The following NCAM2 variants were observed in gnomAD, a reference collection of about 807,000 sequenced individuals.
The protein encoded by NCAM2 is neural cell adhesion molecule 2, also known as N-CAM-2.
A neutral mutation model predicts 98.1 loss-of-function variants in NCAM2; 30 were observed. The observed-to-expected ratio is 0.31, with a 90% CI of 0.23 to 0.41. The LOEUF is 0.41. NCAM2 is among the 10% of genes least tolerant of loss of function. NCAM2 has a pLI of 1.00. For missense variants in NCAM2, 867 were observed against 1,005.8 expected, an observed-to-expected ratio of 0.86 and a Z score of 1.87; for synonymous variants, 368 against 342.4, an observed-to-expected ratio of 1.07 and a Z score of -0.83.
At chr21:21,473,819 ACTTTCCTGAATGCTGATAGT>A (rs1984796015) in intron 14 of NCAM2, among the ~76,000 whole-genome samples, 1 of 151,198 alleles carries the variant, frequency 6.6e-6, no homozygotes, top group South Asian at 2.1e-4. Flanking sequence ...GATAGCCAAT[ACTTTCCTGAATGCTGATAGT>A]ATGACTTCAG....
intron 6 of NCAM2, among the ~76,000 whole-genome samples, chr21:21,330,538 TTA>T (rs149239437): frequency 0.03 from 4,631 of 152,178 alleles, 145 homozygotes; most frequent in Admixed American, 0.067. Flanking sequence ...GAGTCTTAAA[TTA>T]AAGTATGTGT....
At chr21:21,310,635 AT>A (rs2032374128) in intron 5 of NCAM2, among the ~76,000 whole-genome samples, 4 of 152,136 alleles carry the variant, frequency 2.6e-5, no homozygotes, top group African/African-American at 7.2e-5. Flanking sequence ...CACAATGACA[AT>A]TTTTTAACTA....
At chr21:21,060,454 A>G (rs772081146) in intron 1 of NCAM2, among the ~76,000 whole-genome samples, 45 of 152,164 alleles carry the variant, frequency 3.0e-4, no homozygotes, top group Non-Finnish European at 5.0e-4. Flanking sequence ...GTCTGTGGAT[A>G]TATGTTTAAT....
chr21:21,107,472 T>C (rs1601388403), intron 1 of NCAM2, among the ~76,000 whole-genome samples: 1 of 152,260 alleles, frequency 6.6e-6, no homozygotes, highest in Non-Finnish European at 1.5e-5. Context: ...GTCAGTTTTT[T>C]CTGAAAAGTG....
rs555008542 is a variant in NCAM2 at position 21,093,800 on chromosome 21, C to T, written c.55+95182C>T. On this transcript the variant is annotated intron_variant, in intron 1 of 17. Transcript: ENST00000400546. ...CCCAGCAGCATCTTTCTCTTTGTTA[C>T]TGACATTGGAGTCTAGGCTCTAAAT... Among the ~76,000 whole-genome samples, 219 of 152,158 alleles carry T rather than the reference C, an allele frequency of 1.4e-3. 1 individual carries two copies. The highest frequency in any genetic ancestry group is 5.2e-3 in the African/African-American group (216 of 41,556).
intron 1 of NCAM2, among the ~76,000 whole-genome samples, chr21:21,076,099 AGAGT>A (rs1408156025): frequency 6.7e-6 from 1 of 149,358 alleles, no homozygotes; most frequent in Non-Finnish European, 1.5e-5. Flanking sequence ...CCTGAGCGAC[AGAGT>A]GAGACCCCAT....
intron 1 of NCAM2, among the ~76,000 whole-genome samples, chr21:21,118,657 C>A (rs1012723609): frequency 1.3e-5 from 2 of 152,088 alleles, no homozygotes; most frequent in African/African-American, 4.8e-5. Context: ...CCCCTTACTT[C>A]CTTCTAATTT....
chr21:21,489,380 CTCTATT>C (rs1159753964), intron 15 of NCAM2, among the ~76,000 whole-genome samples: 2 of 151,800 alleles, frequency 1.3e-5, no homozygotes, highest in African/African-American at 4.8e-5. Context: ...CTCCCTTTTT[CTCTATT>C]TCTGTCTCTT....
chr21:21,174,624 A>G (rs2068224661), intron 1 of NCAM2, among the ~76,000 whole-genome samples: 1 of 152,158 alleles, frequency 6.6e-6, no homozygotes, highest in African/African-American at 2.4e-5. Context: ...ATAACAGGAA[A>G]TATTTGCTGA....
At chr21:21,450,793 T>TGTATGTATGTATACACACACAC (rs751489970) in intron 12 of NCAM2, among the ~76,000 whole-genome samples, 1 of 143,428 alleles carries the variant, frequency 7.0e-6, no homozygotes, top group Non-Finnish European at 1.5e-5. Context: ...TATGTATGTA[T>TGTATGTATGTATACACACACAC]ACACACACAC....
rs559666205 is a variant in NCAM2 at position 21,397,582 on chromosome 21, G to A, written c.1196-12692G>A. On this transcript the variant is annotated intron_variant, in intron 9 of 17. Transcript: ENST00000400546. ...CAACTTTGCTCCAAAATCGGAGCAG[G>A]CACCAGGAATGGAGAGAGGTCAGGG... Among the ~76,000 whole-genome samples the A allele has an allele frequency of 4.3e-4, 65 of 152,324 alleles. No individual in the cohort carries two copies. The South Asian group carries it at 0.012, about 29-fold the overall frequency.
chr21:21,081,870 C>T, intron 1 of NCAM2, among the ~76,000 whole-genome samples: 1 of 151,442 alleles, frequency 6.6e-6, no homozygotes, highest in Non-Finnish European at 1.5e-5. Context: ...AAAAAACAAA[C>T]AAACACTTTA....
At chr21:21,483,774 A>C (rs1469892806) in intron 15 of NCAM2, among the ~76,000 whole-genome samples, 2 of 152,118 alleles carry the variant, frequency 1.3e-5, no homozygotes, top group African/African-American at 2.4e-5. Flanking sequence ...TAAGTCTAAA[A>C]AATATTTTCA....
intron 1 of NCAM2, among the ~76,000 whole-genome samples, chr21:21,214,401 A>T (rs1601665758): frequency 6.6e-6 from 1 of 152,116 alleles, no homozygotes; most frequent in Non-Finnish European, 1.5e-5. Flanking sequence ...GCTTAGTGAA[A>T]ATTTGGGTAG....
At chr21:21,192,901 A>C (rs528930264) in intron 1 of NCAM2, among the ~76,000 whole-genome samples, 49 of 152,314 alleles carry the variant, frequency 3.2e-4, no homozygotes, top group African/African-American at 1.1e-3. Context: ...TATTATCTGT[A>C]CATCCTAGTG....
intron 1 of NCAM2, among the ~76,000 whole-genome samples, chr21:21,071,026 GA>G (rs971820358): frequency 1.3e-5 from 2 of 152,144 alleles, no homozygotes; most frequent in Non-Finnish European, 2.9e-5. Context: ...TAAACTTAGT[GA>G]ATTAAATTGA....
intron 14 of NCAM2, among the ~76,000 whole-genome samples, chr21:21,470,784 TTGTC>T (rs139662784): frequency 0.036 from 5,445 of 152,062 alleles, 306 homozygotes; most frequent in African/African-American, 0.12. Flanking sequence ...ATAACTATAA[TTGTC>T]TGATAATCAA....
chr21:21,388,386 A>G (rs932569477), intron 9 of NCAM2, among the ~76,000 whole-genome samples: 6 of 152,170 alleles, frequency 3.9e-5, no homozygotes, highest in African/African-American at 1.4e-4. Flanking sequence ...CAAATGTAGG[A>G]AAAGTACATT....
In NCAM2 at chr21:21,152,117, G is replaced by A. The variant is rs371658878; in HGVS notation, c.56-128461G>A. Reference sequence around the variant, plus strand: ...TGGCTGACGTTTTATCACAGTCAATGACTGATGCTTTGCTCATTTATTTTT... The same window carrying A: ...TGGCTGACGTTTTATCACAGTCAATAACTGATGCTTTGCTCATTTATTTTT... On this transcript the variant is annotated intron_variant, in intron 1 of 17. Coordinates refer to ENST00000400546, the MANE Select transcript of NCAM2 (RefSeq NM_004540.5). Among the ~76,000 whole-genome samples, 63 of 152,104 alleles carry A rather than the reference G, an allele frequency of 4.1e-4. No individual in the cohort carries two copies. The Middle Eastern group carries it at 0.014, about 33-fold the overall frequency.
Sources: allele counts gnomAD v4.1 joint callset (sites outside exome capture counted in the v4.1 genomes callset), GRCh38; gene constraint gnomAD v4.1.1; transcripts MANE v1.5; gene names NCBI Gene and HGNC (gene_info 2026-07-23, HGNC 2026-07-21).